GRIN2B: variants seen among roughly 807,000 people sequenced by gnomAD.
GRIN2B encodes glutamate receptor ionotropic, NMDA 2B.
GRIN2B carries 5 observed loss-of-function variants against 114.5 expected under a neutral mutation model. The observed-to-expected ratio is 0.04, with a 90% confidence interval of 0.02 to 0.09. GRIN2B has a LOEUF of 0.09. GRIN2B is among the 10% of genes least tolerant of loss of function. GRIN2B has a pLI of 1.00. For synonymous variants in GRIN2B, 787 were observed against 745.1 expected (o/e 1.06, Z -0.92); for missense variants, 1,108 against 1,943.5 (o/e 0.57, Z 8.08).
chr12:13,746,117 G>A (rs1863378611), intron 4 of GRIN2B, among the ~76,000 whole-genome samples: 1 of 152,148 alleles, frequency 6.6e-6, no homozygotes, highest in African/African-American at 2.4e-5. Context: ...GAGTGCTTGG[G>A]AGGGTGGGGA....
intron 3 of GRIN2B, among the ~76,000 whole-genome samples, chr12:13,825,496 T>TTTTTTTTTGTGTGTG (rs375940899): frequency 1.1e-4 from 13 of 122,966 alleles, no homozygotes; most frequent in South Asian, 5.3e-4. Context: ...TATATATATT[T>TTTTTTTTTGTGTGTG]TGTGTGTGTG....
At chr12:13,586,213 T>C (rs564470237) in intron 10 of GRIN2B, among the ~76,000 whole-genome samples, 1 of 152,342 alleles carries the variant, frequency 6.6e-6, no homozygotes, top group South Asian at 2.1e-4. Context: ...GTAAATGATA[T>C]ACAGAAATTA....
In GRIN2B at chr12:13,908,486, A is replaced by T. The variant is rs543716599; in HGVS notation, c.-18-42260T>A. Among the ~76,000 whole-genome samples the T allele has an allele frequency of 2.0e-5, 3 of 152,322 alleles. No homozygotes were observed. In the East Asian group the frequency reaches 5.8e-4, roughly 29 times the overall value. On this transcript the variant is annotated intron_variant, in intron 2 of 13. Coordinates refer to ENST00000609686, the MANE Select transcript of GRIN2B (RefSeq NM_000834.5). ...GAAACTAAAGATTAAAAGAGTTTTT[A>T]AAAATGTACCCAAGTTGATATGGCT...
At position 13,541,145 on chromosome 12, in the gene GRIN2B, C is replaced by T. The variant is rs144560238; in HGVS notation, c.*21638G>A. ...GAGGAAAAGAGATTTCCCCTAGGGA[C>T]AAGAGCTCACTGCCCCATCCCTTCT... is the stretch of plus-strand genomic sequence containing the variant. On this transcript the variant is annotated 3_prime_UTR_variant, in exon 14 of 14. Transcript: ENST00000609686. 6.6e-6 allele frequency: 1 copy of T among 152,360 alleles called. No homozygotes were observed. Among genetic ancestry groups the T allele is most frequent in the East Asian group, 1.9e-4 (1 of 5,178 alleles). The allele number at this position is 152,360 out of a possible 1,614,324, so 9.4% of individuals were successfully genotyped here.
chr12:13,924,231 T>C (rs1294775108), intron 2 of GRIN2B, among the ~76,000 whole-genome samples: 1 of 152,066 alleles, frequency 6.6e-6, no homozygotes, highest in Non-Finnish European at 1.5e-5. Context: ...TCTAGGATAG[T>C]ATCAGTCAGG....
chr12:13,759,675 A>G (rs773408583), intron 3 of GRIN2B, among the ~76,000 whole-genome samples: 3 of 152,182 alleles, frequency 2.0e-5, no homozygotes, highest in South Asian at 4.1e-4. Context: ...TCTTCATCCA[A>G]TCCCTGCAAG....
Position 13,865,669 on chromosome 12 carries a change from G to T in GRIN2B, c.411+129C>A, listed in dbSNP as rs1865815093. ...GAGAAAAAAAAAGGATTAATTGCTG[G>T]CCTATCCACGCTGTCAATGCAATCT... is the stretch of plus-strand genomic sequence containing the variant. On this transcript the variant is annotated intron_variant, in intron 3 of 13. Transcript: ENST00000609686. 21 of 821,490 alleles carry T rather than the reference G, an allele frequency of 2.6e-5. 1 individual carries two copies. The highest frequency in any genetic ancestry group is 4.3e-5 in the Non-Finnish European group (20 of 470,540). 50.9% of individuals were successfully genotyped at this position (821,490 alleles called of 1,614,324 possible). A position where few individuals can be genotyped will look rare whatever the true frequency, so the allele number is the denominator to read the frequency against.
Position 13,615,319 on chromosome 12 carries a change from C to A in GRIN2B, c.1501-52G>T. 1 of 1,582,682 alleles carries A rather than the reference C, an allele frequency of 6.3e-7. No homozygotes were observed. The highest frequency in any genetic ancestry group is 8.7e-7 in the Non-Finnish European group (1 of 1,151,716). ...TAAAACATTCAGGAGGGCAAGGGAC[C>A]ACCACAAGGAAAATACAGCCTATCA... On this transcript the variant is annotated intron_variant, in intron 7 of 13. Transcript: ENST00000609686. The surrounding 1 kb of genome is among the most constrained non-coding windows in gnomAD (Gnocchi z 5.8).
In GRIN2B at chr12:13,549,224, TAATA is replaced by T. The variant is rs1227070895; in HGVS notation, c.*13555_*13558del. On this transcript the variant is annotated 3_prime_UTR_variant, in exon 14 of 14. Coordinates refer to ENST00000609686, the MANE Select transcript of GRIN2B (RefSeq NM_000834.5). Reference sequence around the variant, plus strand: ...CAAGATTCTCTGATCTGCGGGTGCTTAATAAATAATTCACCATTGCAACCTTGTG... The same window carrying T: ...CAAGATTCTCTGATCTGCGGGTGCTTAATAATTCACCATTGCAACCTTGTG... 1.3e-5 allele frequency: 2 copies of T among 152,158 alleles called. No individual in the cohort carries two copies. Among genetic ancestry groups the T allele is most frequent in the African/African-American group, 4.8e-5 (2 of 41,428 alleles). The allele number at this position is 152,158 out of a possible 1,614,324, so 9.4% of individuals were successfully genotyped here.
intron 2 of GRIN2B, among the ~76,000 whole-genome samples, chr12:13,899,348 A>G (rs1428164249): frequency 1.3e-5 from 2 of 152,220 alleles, no homozygotes; most frequent in Non-Finnish European, 2.9e-5. Context: ...GTAATGTTCA[A>G]TAAAAATAAG....
chr12:13,772,806 TAAATATCTTC>T (rs1863930162), intron 3 of GRIN2B, among the ~76,000 whole-genome samples: 2 of 152,286 alleles, frequency 1.3e-5, no homozygotes, highest in East Asian at 3.9e-4. Context: ...AACCAATTTC[TAAATATCTTC>T]ACAGGACTAT....
In GRIN2B at chr12:13,745,638, C is replaced by T. The variant is rs888337232; in HGVS notation, c.1010+7679G>A. Among the ~76,000 whole-genome samples the T allele has an allele frequency of 2.0e-4, 30 of 152,342 alleles. No homozygotes were observed. In the South Asian group the frequency reaches 3.3e-3, roughly 17 times the overall value. ...TTTCACATATGTAAATTCCATCCTA[C>T]CATCTATTCATTAAGAAGACATGCA... On this transcript the variant is annotated intron_variant, in intron 4 of 13. Transcript: ENST00000609686.
intron 3 of GRIN2B, among the ~76,000 whole-genome samples, chr12:13,815,984 A>T (rs1864815928): frequency 6.6e-6 from 1 of 152,186 alleles, no homozygotes; most frequent in South Asian, 2.1e-4. Flanking sequence ...CACTCCCTGC[A>T]GTTCCTCAGG....
intron 2 of GRIN2B, among the ~76,000 whole-genome samples, chr12:13,965,111 A>G (rs1315746878): frequency 6.6e-6 from 1 of 152,058 alleles, no homozygotes; most frequent in Admixed American, 6.5e-5. Context: ...CAGATCTTAA[A>G]CTTTTCTTAC....
At chr12:13,834,689 C>A (rs76566066) in intron 3 of GRIN2B, among the ~76,000 whole-genome samples, 3,016 of 152,306 alleles carry the variant, frequency 0.02, 46 homozygotes, top group Admixed American at 0.031. Flanking sequence ...TGAATTAAAT[C>A]TGAGAATTTT....
At chr12:13,810,068 G>C (rs1591744954) in intron 3 of GRIN2B, among the ~76,000 whole-genome samples, 1 of 151,922 alleles carries the variant, frequency 6.6e-6, no homozygotes, top group Non-Finnish European at 1.5e-5. Flanking sequence ...CTACCCTCCG[G>C]GTTTTTGCTC....
chr12:13,594,085 A>G (rs1359219807), intron 10 of GRIN2B, among the ~76,000 whole-genome samples: 2 of 152,224 alleles, frequency 1.3e-5, no homozygotes, highest in African/African-American at 4.8e-5. Flanking sequence ...GGGAGTGTAA[A>G]TTAGTTCAAC....
At chr12:13,897,056 A>G (rs1346287926) in intron 2 of GRIN2B, among the ~76,000 whole-genome samples, 1 of 152,166 alleles carries the variant, frequency 6.6e-6, no homozygotes, top group African/African-American at 2.4e-5. Flanking sequence ...GCAAACATTC[A>G]AAATCCTCCT....
chr12:13,731,765 C>T (rs1342999756), intron 4 of GRIN2B, among the ~76,000 whole-genome samples: 3 of 152,218 alleles, frequency 2.0e-5, no homozygotes, highest in Admixed American at 6.5e-5. Flanking sequence ...CCCTCATCAC[C>T]TCACATCTGG....
Sources: gnomAD v4.1 joint callset for allele counts (sites outside exome capture counted in the v4.1 genomes callset) on GRCh38, gnomAD v4.1.1 for gene constraint, Gnocchi (gnomAD v3.1) non-coding constraint, MANE v1.5 for transcripts, NCBI Gene and HGNC (gene_info 2026-07-23, HGNC 2026-07-21) for gene names.